The following ANKS1B variants were observed in gnomAD, a reference collection of about 807,000 sequenced individuals.
ANKS1B encodes ankyrin repeat and sterile alpha motif domain-containing protein 1B.
A neutral mutation model predicts 148.3 loss-of-function variants in ANKS1B; 36 were observed. The observed-to-expected ratio is 0.24, with a 90% CI of 0.19 to 0.32. The LOEUF (loss-of-function observed/expected upper bound fraction) is 0.32, where lower values mean the gene tolerates loss of function less well. Ranked by LOEUF, ANKS1B falls within the 10% of genes least tolerant of loss-of-function variation. ANKS1B has a pLI of 1.00. For missense variants in ANKS1B, 1,157 were observed against 1,542.6 expected (o/e 0.75, Z 4.19); for synonymous variants, 542 against 560.8 (o/e 0.97, Z 0.47).
intron 17 of ANKS1B, among the ~76,000 whole-genome samples, chr12:98,909,565 T>C (rs1435340484): frequency 6.6e-6 from 1 of 152,106 alleles, no homozygotes; most frequent in African/African-American, 2.4e-5. Context: ...TTTTAAAACC[T>C]CACTGAAAGC....
At chr12:98,988,877 T>A (rs1172950534) in intron 17 of ANKS1B, among the ~76,000 whole-genome samples, 1 of 152,242 alleles carries the variant, frequency 6.6e-6, no homozygotes, top group East Asian at 1.9e-4. Flanking sequence ...TTTCATATAC[T>A]TCTTGGCCAT....
intron 12 of ANKS1B, among the ~76,000 whole-genome samples, chr12:99,298,921 T>A (rs1288527777): frequency 2.0e-5 from 3 of 152,228 alleles, no homozygotes; most frequent in Non-Finnish European, 4.4e-5. Context: ...GACATTTCTG[T>A]TTTTTAAAAC....
Position 99,806,613 on chromosome 12 carries a change from G to T in ANKS1B, c.460C>A (p.Pro154Thr). The T allele has an allele frequency of 6.2e-7, 1 of 1,613,898 alleles. No individual in the cohort carries two copies. Among genetic ancestry groups the T allele is most frequent in the Non-Finnish European group, 8.5e-7 (1 of 1,179,864 alleles). Reference sequence around the variant, plus strand: ...TCCAGCTTGCTATTTCTAATTGTCGGGTCAGTGAGCTCTTCTAGGAGAACA... The same window carrying T: ...TCCAGCTTGCTATTTCTAATTGTCGTGTCAGTGAGCTCTTCTAGGAGAACA... ...VAVLLEELTDPTIRNSKLETP... is the reference protein window; with the variant it reads ...VAVLLEELTDTTIRNSKLETP... The change falls in exon 4 of 27, where the codon CCG (proline) becomes ACG (threonine). Residue 154 changes from proline (P) to threonine (T), a missense_variant. Coordinates refer to ENST00000683438, the MANE Select transcript of ANKS1B (RefSeq NM_001352186.2).
chr12:99,421,981 C>G lies in ANKS1B; in HGVS notation c.1575+21692G>C, dbSNP rs542136446. On this transcript the variant is annotated intron_variant, in intron 11 of 26. Transcript: ENST00000683438. Reference sequence around the variant, plus strand: ...ATGTGATGTGCCTGCTTGCACTTCACAACTTCTGCCATGAGTAAATGCTCC... The same window carrying G: ...ATGTGATGTGCCTGCTTGCACTTCAGAACTTCTGCCATGAGTAAATGCTCC... Among the ~76,000 whole-genome samples the G allele has an allele frequency of 1.9e-4, 29 of 152,304 alleles. 2 individuals are homozygous for G. The highest frequency in any genetic ancestry group is 3.2e-4 in the Non-Finnish European group (22 of 68,008).
chr12:99,318,770 C>T (rs1023048338), intron 12 of ANKS1B, among the ~76,000 whole-genome samples: 4 of 151,612 alleles, frequency 2.6e-5, no homozygotes, highest in African/African-American at 9.7e-5. Context: ...GTTAGCGTGT[C>T]AATTTTAGAT....
chr12:99,110,629 T>C lies in ANKS1B; in HGVS notation c.2527-25606A>G, dbSNP rs147072255. Among the ~76,000 whole-genome samples the C allele has an allele frequency of 2.1e-3, 321 of 152,352 alleles. 2 individuals are homozygous for C. The highest frequency in any genetic ancestry group is 7.1e-3 in the African/African-American group (295 of 41,578). ...AATTCACTGTGTTTTTATATATTAA[T>C]ATGAAGCAGGAAGTTTCTCTATTGC... On this transcript the variant is annotated intron_variant, in intron 15 of 26. Coordinates refer to ENST00000683438, the MANE Select transcript of ANKS1B (RefSeq NM_001352186.2).
chr12:99,420,167 G>A (rs2095039864), intron 11 of ANKS1B, among the ~76,000 whole-genome samples: 1 of 152,060 alleles, frequency 6.6e-6, no homozygotes, highest in African/African-American at 2.4e-5. Context: ...ACACTTAAAA[G>A]CCATGAATAC....
intron 9 of ANKS1B, among the ~76,000 whole-genome samples, chr12:99,561,228 T>C (rs2097333167): frequency 6.6e-6 from 1 of 151,898 alleles, no homozygotes; most frequent in East Asian, 1.9e-4. Context: ...CTATAGCATG[T>C]GATGCTGTTT....
intron 9 of ANKS1B, among the ~76,000 whole-genome samples, chr12:99,514,857 T>G (rs2096800471): frequency 6.6e-6 from 1 of 152,030 alleles, no homozygotes; most frequent in African/African-American, 2.4e-5. Context: ...TCCTTGATGG[T>G]TAATCCTGGT....
At chr12:99,382,169 G>A (rs1483523482) in intron 12 of ANKS1B, among the ~76,000 whole-genome samples, 1 of 152,256 alleles carries the variant, frequency 6.6e-6, no homozygotes, top group African/African-American at 2.4e-5. Context: ...AATTCAAACC[G>A]ATAAGGCATC....
chr12:98,750,877 G>A (rs1471844419), intron 26 of ANKS1B, among the ~76,000 whole-genome samples: 2 of 152,214 alleles, frequency 1.3e-5, no homozygotes, highest in Non-Finnish European at 2.9e-5. Flanking sequence ...AGGCCATGGC[G>A]CAGGCCTTGC....
At chr12:98,792,177 CTA>C (rs2098876802) in intron 22 of ANKS1B, among the ~76,000 whole-genome samples, 1 of 152,110 alleles carries the variant, frequency 6.6e-6, no homozygotes, top group East Asian at 1.9e-4. Flanking sequence ...GTTCCAAGAC[CTA>C]AATACACTAG....
intron 16 of ANKS1B, among the ~76,000 whole-genome samples, chr12:99,080,772 A>C (rs968088736): frequency 6.6e-6 from 1 of 152,242 alleles, no homozygotes; most frequent in African/African-American, 2.4e-5. Context: ...GTTGAAAATA[A>C]GTAATCAGGT....
chr12:99,044,090 G>A (rs2099960757), intron 17 of ANKS1B, among the ~76,000 whole-genome samples: 3 of 152,168 alleles, frequency 2.0e-5, no homozygotes, highest in South Asian at 2.1e-4. Flanking sequence ...TGTGAATATG[G>A]AGTACTTTTG....
intron 8 of ANKS1B, among the ~76,000 whole-genome samples, chr12:99,704,302 A>T (rs1289006635): frequency 6.6e-6 from 1 of 151,958 alleles, no homozygotes; most frequent in Non-Finnish European, 1.5e-5. Flanking sequence ...ATAGTTTCTG[A>T]GAATGCAATG....
At chr12:99,664,157 T>C (rs565777958) in intron 8 of ANKS1B, among the ~76,000 whole-genome samples, 133 of 152,152 alleles carry the variant, frequency 8.7e-4, no homozygotes, top group Middle Eastern at 3.4e-3. Flanking sequence ...GTTTAAACTT[T>C]TTTTTTTTCA....
intron 9 of ANKS1B, among the ~76,000 whole-genome samples, chr12:99,623,998 T>G (rs531887558): frequency 1.3e-5 from 2 of 152,062 alleles, no homozygotes; most frequent in Admixed American, 1.3e-4. Flanking sequence ...TTACCCAACG[T>G]TGAACTATGC....
At chr12:99,526,741 G>C (rs1316574046) in intron 9 of ANKS1B, among the ~76,000 whole-genome samples, 2 of 152,078 alleles carry the variant, frequency 1.3e-5, no homozygotes, top group African/African-American at 4.8e-5. Flanking sequence ...AACCAGTGTG[G>C]GTACTACCTA....
intron 8 of ANKS1B, among the ~76,000 whole-genome samples, chr12:99,772,048 T>C (rs2063243793): frequency 6.6e-6 from 1 of 152,132 alleles, no homozygotes; most frequent in Non-Finnish European, 1.5e-5. Context: ...AGATTTCTTA[T>C]CAGAATAATG....
Sources: allele counts gnomAD v4.1 joint callset (sites outside exome capture counted in the v4.1 genomes callset), GRCh38; gene constraint gnomAD v4.1.1; transcripts MANE v1.5; gene names NCBI Gene and HGNC (gene_info 2026-07-23, HGNC 2026-07-21).